The following CALB1 variants were observed in gnomAD, a reference collection of about 807,000 sequenced individuals.
The protein encoded by CALB1 is calbindin.
Under a neutral mutation model 46.7 loss-of-function variants are expected in CALB1, and 16 were observed. The ratio of observed to expected loss-of-function variants is 0.34; its 90% CI spans 0.23 to 0.52. The LOEUF is 0.52. Among genes scored for constraint, CALB1 ranks in the 20% least tolerant of loss-of-function variants. The pLI, the probability that CALB1 is intolerant of heterozygous loss-of-function variation, is 0.95. For missense variants in CALB1, 224 were observed against 300.3 expected (o/e 0.75, Z 1.88); for synonymous variants, 90 against 112.8 (o/e 0.80, Z 1.28).
At chr8:90,074,665 G>A (rs2130244862) in intron 3 of CALB1, among the ~76,000 whole-genome samples, 1 of 152,300 alleles carries the variant, frequency 6.6e-6, no homozygotes, top group South Asian at 2.1e-4. Context: ...TCCCACTGCA[G>A]ATGAAAAGAG....
chr8:90,082,417 G>T (rs1356728252), intron 1 of CALB1: 4 of 617,850 alleles, frequency 6.5e-6, no homozygotes, highest in Non-Finnish European at 1.2e-5. Flanking sequence ...AAGGTTTTGG[G>T]ATTACGGTGG....
rs764364298 is a variant in CALB1, at chr8:90,060,260, T to C, written c.699A>G (p.Thr233=). Residue 233 remains threonine, a synonymous_variant, in exon 11 of 11, where the codon ACA becomes ACG. Transcript: ENST00000265431. ...ACAAAGCCATTATGTTCTTCTTGTA[T>C]GTTGTAATATTATTAATATCCAGAT... ...KQDLDINNIT[T]YKKNIMALSD... 5 of 1,605,828 alleles carry C rather than the reference T, an allele frequency of 3.1e-6. No homozygotes were observed. The highest frequency in any genetic ancestry group is 4.3e-6 in the Non-Finnish European group (5 of 1,172,574).
At chr8:90,075,001 CA>C (rs926109400) in intron 3 of CALB1, among the ~76,000 whole-genome samples, 6 of 152,258 alleles carry the variant, frequency 3.9e-5, no homozygotes, top group Admixed American at 6.5e-5. Context: ...AAATTCGGAA[CA>C]TTTTTTTGAC....
chr8:90,059,958 G>A lies in CALB1; in HGVS notation c.*215C>T. 1 of 458,340 alleles carries A rather than the reference G, an allele frequency of 2.2e-6. No homozygotes were observed. Among genetic ancestry groups the A allele is most frequent in the Non-Finnish European group, 3.9e-6 (1 of 258,986 alleles). 28.4% of individuals were successfully genotyped at this position (458,340 alleles called of 1,614,324 possible). ...AAATTGGGTGTACTGACTGGCCTAA[G>A]CATAGACTTTCTTCTTTTCAATCAT... On this transcript the variant is annotated 3_prime_UTR_variant, in exon 11 of 11. Transcript: ENST00000265431.
intron 5 of CALB1, among the ~76,000 whole-genome samples, chr8:90,068,071 C>T (rs898216909): frequency 3.3e-5 from 5 of 152,042 alleles, no homozygotes; most frequent in African/African-American, 1.2e-4. Context: ...GTTTTGGGGT[C>T]GGCTTGAGGA....
chr8:90,082,347 C>T (rs571028552), intron 1 of CALB1: 10 of 601,212 alleles, frequency 1.7e-5, no homozygotes, highest in African/African-American at 1.3e-4. Flanking sequence ...GGGGGGGCAG[C>T]ATTCCCCAAT....
At chr8:90,071,735 A>G (rs191688441) in intron 3 of CALB1, among the ~76,000 whole-genome samples, 2 of 152,228 alleles carry the variant, frequency 1.3e-5, no homozygotes, top group African/African-American at 4.8e-5. Flanking sequence ...AGGGTTCTGC[A>G]TGATATAGAA....
intron 9 of CALB1, chr8:90,062,077 CA>C (rs1299965882): frequency 6.6e-6 from 1 of 151,868 alleles, no homozygotes; most frequent in Non-Finnish European, 1.5e-5. Context: ...GCCAAAAACA[CA>C]AAATGGGACA....
At chr8:90,063,490 T>C (rs756734753) in intron 6 of CALB1, 29 bp from the exon 7 acceptor site, 1 of 1,568,154 alleles carries the variant, frequency 6.4e-7, no homozygotes, top group South Asian at 1.1e-5. Context: ...TTATTCTAGC[T>C]ATTTGAGGAA....
chr8:90,070,116 G>T lies in CALB1; in HGVS notation c.232-879C>A, dbSNP rs971024462. Among the ~76,000 whole-genome samples the T allele has an allele frequency of 6.6e-5, 10 of 151,960 alleles. 1 individual carries two copies. The highest frequency in any genetic ancestry group is 1.0e-4 in the Non-Finnish European group (7 of 68,002). On this transcript the variant is annotated intron_variant, in intron 3 of 10. Transcript: ENST00000265431. Reference sequence around the variant, plus strand: ...CTGGCACAGTAGCTAATTAGCTGTGGTCCCCAGCAACCCCGAGCCATTTCT... The same window carrying T: ...CTGGCACAGTAGCTAATTAGCTGTGTTCCCCAGCAACCCCGAGCCATTTCT...
intron 5 of CALB1, among the ~76,000 whole-genome samples, chr8:90,067,993 T>TA (rs1359772385): frequency 1.3e-5 from 2 of 152,190 alleles, no homozygotes; most frequent in Admixed American, 1.3e-4. Flanking sequence ...CAGTAAATAT[T>TA]AACTCACTTA....
chr8:90,060,721 T>TGGAA (rs774591507), intron 9 of CALB1, 21 bp from the exon 10 acceptor site: 211 of 1,564,300 alleles, frequency 1.3e-4, no homozygotes, highest in Middle Eastern at 1.0e-3. Context: ...AGAAATAAAA[T>TGGAA]AGTATACAAC....
chr8:90,079,797 T>G (rs1814694099), intron 2 of CALB1, among the ~76,000 whole-genome samples: 1 of 151,992 alleles, frequency 6.6e-6, no homozygotes, highest in Non-Finnish European at 1.5e-5. Flanking sequence ...CATTGTTATA[T>G]TTAATTAATG....
Position 90,060,249 on chromosome 8 carries a change from T to G in CALB1, c.710A>C (p.Asn237Thr), listed in dbSNP as rs774928148. The change falls in exon 11 of 11, where the codon AAC becomes ACC. Residue 237 changes from asparagine to threonine, a missense_variant. Physicochemically the swap from Asn to Thr is moderately conservative, Grantham distance 65 (BLOSUM62 0). Transcript: ENST00000265431. ...DINNITTYKK[N>T]IMALSDGGKL... ...CCCTCCATCCGACAAAGCCATTATG[T>G]TCTTCTTGTATGTTGTAATATTATT... 6.2e-7 allele frequency: 1 copy of G among 1,611,814 alleles called. No homozygotes were observed.
intron 3 of CALB1, among the ~76,000 whole-genome samples, chr8:90,072,284 G>A (rs1389855919): frequency 2.0e-5 from 3 of 152,134 alleles, no homozygotes; most frequent in African/African-American, 7.2e-5. Context: ...AAAGTTGAGA[G>A]GTCTCCTGAA....
chr8:90,077,265 A>AT (rs1171065417), intron 3 of CALB1, among the ~76,000 whole-genome samples: 2 of 151,932 alleles, frequency 1.3e-5, no homozygotes, highest in Non-Finnish European at 2.9e-5. Context: ...TCCAGGGAAA[A>AT]TTTTTAATTA....
intron 6 of CALB1, chr8:90,063,688 G>A: frequency 2.1e-6 from 1 of 469,566 alleles, no homozygotes; most frequent in Non-Finnish European, 3.8e-6. Context: ...AGAAATAGTG[G>A]TTTTAGCTAT....
intron 1 of CALB1, 88 bp from the exon 2 acceptor site, chr8:90,082,190 G>C (rs1361344943): frequency 1.7e-6 from 2 of 1,144,726 alleles, no homozygotes; most frequent in Admixed American, 2.0e-5. Context: ...TCTTTCTGGC[G>C]ACCCGAGAGG....
Position 90,058,862 on chromosome 8 carries a change from T to A in CALB1, c.*1311A>T, listed in dbSNP as rs1033744272. On this transcript the variant is annotated 3_prime_UTR_variant, in exon 11 of 11. Coordinates refer to ENST00000265431, the MANE Select transcript of CALB1 (RefSeq NM_004929.4). ...CATTCAAGCTGACCCAGAACGATCA[T>A]TAACTCCTAGGCAGTAACTGTAAAT... is the stretch of plus-strand genomic sequence containing the variant. The A allele has an allele frequency of 6.6e-6, 1 of 152,224 alleles. No homozygotes were observed. The highest frequency in any genetic ancestry group is 6.5e-5 in the Admixed American group (1 of 15,286). 9.4% of individuals were successfully genotyped at this position (152,224 alleles called of 1,614,324 possible).
Sources: gnomAD v4.1 joint callset for allele counts (sites outside exome capture counted in the v4.1 genomes callset) on GRCh38, gnomAD v4.1.1 for gene constraint, MANE v1.5 for transcripts, NCBI Gene and HGNC (gene_info 2026-07-23, HGNC 2026-07-21) for gene names.